The following GRM5 variants were observed in gnomAD, a reference collection of about 807,000 sequenced individuals.
GRM5 encodes the protein glutamate metabotropic receptor 5, also known as metabotropic glutamate receptor 5.
In GRM5, 19 loss-of-function variants were observed where a neutral mutation model predicts 83.1. That is an observed-to-expected ratio of 0.23 (90% CI 0.16 to 0.34). GRM5 has a LOEUF of 0.34. Ranked by LOEUF, GRM5 falls within the 10% of genes least tolerant of loss-of-function variation. The pLI is 1.00. For missense variants in GRM5, 1,160 were observed against 1,588.3 expected (o/e 0.73, Z 4.58); for synonymous variants, 675 against 633.6 (o/e 1.07, Z -0.98).
chr11:88,693,042 A>G (rs1304855262), intron 3 of GRM5, among the ~76,000 whole-genome samples: 2 of 152,216 alleles, frequency 1.3e-5, no homozygotes, highest in African/African-American at 4.8e-5. Flanking sequence ...TGTATCTCCT[A>G]TGGTTCTTAA....
At chr11:88,690,538 T>G (rs2135359057) in intron 3 of GRM5, among the ~76,000 whole-genome samples, 2 of 152,340 alleles carry the variant, frequency 1.3e-5, no homozygotes, top group South Asian at 2.1e-4. Flanking sequence ...TTTTAAAAAT[T>G]TCCTAATTCC....
chr11:88,597,121 C>A, intron 6 of GRM5, 63 bp downstream of exon 6: 4 of 1,032,196 alleles, frequency 3.9e-6, no homozygotes, highest in South Asian at 1.9e-5. Flanking sequence ...TTAAAAATAG[C>A]CAATGATAGT....
At chr11:89,005,026 C>G (rs1286854982) in intron 2 of GRM5, among the ~76,000 whole-genome samples, 1 of 152,082 alleles carries the variant, frequency 6.6e-6, no homozygotes, top group Non-Finnish European at 1.5e-5. Context: ...TTTGGCAGAC[C>G]AGACTGCCTC....
chr11:89,010,276 A>C (rs545354457), intron 2 of GRM5, among the ~76,000 whole-genome samples: 3 of 152,268 alleles, frequency 2.0e-5, no homozygotes, highest in African/African-American at 7.2e-5. Context: ...TTGCATTGAG[A>C]TCTTTTGGAT....
intron 3 of GRM5, among the ~76,000 whole-genome samples, chr11:88,704,101 G>A (rs1327691896): frequency 6.6e-6 from 1 of 151,970 alleles, no homozygotes; most frequent in African/African-American, 2.4e-5. Flanking sequence ...TGGAAGAAAA[G>A]AGATGTCTTG....
Position 88,598,147 on chromosome 11 carries a change from C to T in GRM5, c.1395-795G>A, listed in dbSNP as rs573071335. 3.3e-5 allele frequency among the ~76,000 whole-genome samples: 5 copies of T among 152,234 alleles called. No homozygotes were observed. The East Asian group carries it at 7.7e-4, about 23-fold the overall frequency. ...AGTTTCTACAGGTATGTCTCAGGTA[C>T]ACACTGTGTTCACATAATATTTTAT... On this transcript the variant is annotated intron_variant, in intron 5 of 9. Coordinates refer to ENST00000305447, the MANE Select transcript of GRM5 (RefSeq NM_001143831.3).
intron 4 of GRM5, among the ~76,000 whole-genome samples, chr11:88,643,628 G>C (rs2135289960): frequency 6.6e-6 from 1 of 152,228 alleles, no homozygotes; most frequent in East Asian, 1.9e-4. Flanking sequence ...AAATGTTAAT[G>C]TGGTGCAAGG....
chr11:88,702,755 G>A (rs1941064114), intron 3 of GRM5, among the ~76,000 whole-genome samples: 1 of 151,892 alleles, frequency 6.6e-6, no homozygotes, highest in African/African-American at 2.4e-5. Context: ...TTTTTGTGTG[G>A]TCATAATCCA....
chr11:88,626,861 C>A (rs1382534696), intron 4 of GRM5, among the ~76,000 whole-genome samples: 1 of 152,150 alleles, frequency 6.6e-6, no homozygotes, highest in Non-Finnish European at 1.5e-5. Context: ...TCCCTTTCTG[C>A]CAAGTGTGGA....
At position 88,920,869 on chromosome 11, in the gene GRM5, A is replaced by G. The variant is rs571733067; in HGVS notation, c.662-70714T>C. Among the ~76,000 whole-genome samples, 73 of 152,290 alleles carry G rather than the reference A, an allele frequency of 4.8e-4. 1 individual carries two copies. The highest frequency in any genetic ancestry group is 1.0e-3 in the South Asian group (5 of 4,826). ...TACCTGCCTCACCTCACATTACCCA[A>G]TGGAAAATAGGAACAAATCTACTTT... On this transcript the variant is annotated intron_variant, in intron 2 of 9. Transcript: ENST00000305447.
intron 3 of GRM5, among the ~76,000 whole-genome samples, chr11:88,662,689 G>A (rs1163096053): frequency 6.6e-6 from 1 of 152,292 alleles, no homozygotes; most frequent in Non-Finnish European, 1.5e-5. Flanking sequence ...AGGGGGACTT[G>A]ACATGAGAGA....
chr11:88,556,625 G>A (rs1011772498), intron 8 of GRM5, among the ~76,000 whole-genome samples: 21 of 151,954 alleles, frequency 1.4e-4, no homozygotes, highest in African/African-American at 4.6e-4. Context: ...ATGGCCCTGT[G>A]GGATACATCC....
At chr11:88,705,074 G>A (rs1367008743) in intron 3 of GRM5, among the ~76,000 whole-genome samples, 3 of 152,068 alleles carry the variant, frequency 2.0e-5, no homozygotes, top group Non-Finnish European at 4.4e-5. Context: ...AAGTGTGTAA[G>A]AAACTACATA....
intron 2 of GRM5, among the ~76,000 whole-genome samples, chr11:88,959,399 A>AT (rs1185813314): frequency 6.6e-6 from 1 of 151,876 alleles, no homozygotes; most frequent in Middle Eastern, 3.2e-3. Flanking sequence ...AGATTTTGTC[A>AT]TTTTTAATGT....
At chr11:88,886,253 G>A (rs1429305219) in intron 2 of GRM5, among the ~76,000 whole-genome samples, 1 of 152,098 alleles carries the variant, frequency 6.6e-6, no homozygotes, top group Non-Finnish European at 1.5e-5. Flanking sequence ...AAATTTTCCT[G>A]GTGCGTGATG....
intron 2 of GRM5, among the ~76,000 whole-genome samples, chr11:88,981,992 T>C (rs942840683): frequency 6.6e-6 from 1 of 152,226 alleles, no homozygotes; most frequent in East Asian, 1.9e-4. Context: ...TAACTTGAAT[T>C]TTCTATCCTC....
chr11:88,974,374 G>GAGAGAGATAGAT (rs1423436235), intron 2 of GRM5, among the ~76,000 whole-genome samples: 1 of 147,710 alleles, frequency 6.8e-6, no homozygotes, highest in African/African-American at 2.5e-5. Flanking sequence ...CCTGGCAATA[G>GAGAGAGATAGAT]AGATAGATAG....
intron 2 of GRM5, among the ~76,000 whole-genome samples, chr11:89,020,827 A>G (rs1002804944): frequency 6.6e-5 from 10 of 152,190 alleles, no homozygotes; most frequent in Admixed American, 4.6e-4. Context: ...TATCTCATTT[A>G]ATTCTCAAAT....
At chr11:88,691,341 T>C (rs774691809) in intron 3 of GRM5, among the ~76,000 whole-genome samples, 14 of 152,208 alleles carry the variant, frequency 9.2e-5, no homozygotes, top group Non-Finnish European at 1.9e-4. Flanking sequence ...GAATAATGTA[T>C]AAATGTGTCA....
Sources: gnomAD v4.1 joint callset for allele counts (sites outside exome capture counted in the v4.1 genomes callset) on GRCh38, gnomAD v4.1.1 for gene constraint, MANE v1.5 for transcripts, NCBI Gene and HGNC (gene_info 2026-07-23, HGNC 2026-07-21) for gene names.